The following TMEM214 variants were observed in gnomAD, a reference collection of about 807,000 sequenced individuals.
TMEM214 encodes transmembrane protein 214.
In TMEM214, 71 loss-of-function variants were observed where a neutral mutation model predicts 89.8. The ratio of observed to expected loss-of-function variants is 0.79; its 90% CI spans 0.65 to 0.96. The LOEUF is 0.96. Ranked by LOEUF, TMEM214 falls within the 40% of genes least tolerant of loss-of-function variation. TMEM214 has a pLI of 0.00. For missense variants in TMEM214, 754 were observed against 843.4 expected, an observed-to-expected ratio of 0.89 and a Z score of 1.31; for synonymous variants, 332 against 349.5, an observed-to-expected ratio of 0.95 and a Z score of 0.56.
At position 27,039,798 on chromosome 2, in the gene TMEM214, C is replaced by G; in HGVS notation, c.1583C>G (p.Ala528Gly). 1.2e-6 allele frequency: 2 copies of G among 1,614,208 alleles called. No individual in the cohort carries two copies. Among genetic ancestry groups the G allele is most frequent in the Non-Finnish European group, 1.7e-6 (2 of 1,180,040 alleles). The change falls in exon 14 of 17, where the codon GCG becomes GGG. Residue 528 changes from alanine to glycine, a missense_variant. By Grantham distance (60) the Ala-to-Gly change is moderately conservative. Coordinates refer to ENST00000238788, the MANE Select transcript of TMEM214 (RefSeq NM_017727.5). ...SSGFLPASQQ[A>G]CAKLYSYSLQ... ...GGCTTCTTACCTGCTAGCCAACAAG[C>G]GTGTGCCAAGCTCTACTCCTACAGT... is the stretch of plus-strand genomic sequence containing the variant.
chr2:27,039,275 A>G (rs1354455325), intron 13 of TMEM214, 111 bp downstream of exon 13: 4 of 894,518 alleles, frequency 4.5e-6, no homozygotes, highest in African/African-American at 3.3e-5. Flanking sequence ...CGAGTTCTCA[A>G]TCCTGCAGAG....
chr2:27,040,402 C>T lies in TMEM214; in HGVS notation c.1849C>T (p.Pro617Ser). Reference protein sequence around the residue: ...NQLLRYLRELPLLFHQNVLLP... With the variant: ...NQLLRYLRELSLLFHQNVLLP... ...GCTACTCCGCTATCTGAGAGAGCTG[C>T]CCCTGCTTTTCCACCAGAATGTGCT... is the stretch of plus-strand genomic sequence containing the variant. Residue 617 changes from proline to serine, a missense_variant, in exon 16 of 17, where the codon CCC becomes TCC. Coordinates refer to ENST00000238788, the MANE Select transcript of TMEM214 (RefSeq NM_017727.5). 3.7e-6 allele frequency: 6 copies of T among 1,614,250 alleles called. No homozygotes were observed. The highest frequency in any genetic ancestry group is 5.1e-6 in the Non-Finnish European group (6 of 1,180,050).
Position 27,038,244 on chromosome 2 carries a change from G to T in TMEM214, c.1244+7G>T. ...AGCACCTGTCACAGTCCAGGCAGGTGGGGTGGGAGGCCAGCCTGTCCCTGT... is the reference window on the plus strand; with the variant it reads ...AGCACCTGTCACAGTCCAGGCAGGTTGGGTGGGAGGCCAGCCTGTCCCTGT... On this transcript the variant is annotated splice_region_variant and intron_variant, in intron 10 of 16. Coordinates refer to ENST00000238788, the MANE Select transcript of TMEM214 (RefSeq NM_017727.5). The surrounding 1 kb of genome is among the most constrained non-coding windows in gnomAD (Gnocchi z 4.4). 1 of 1,612,180 alleles carries T rather than the reference G, an allele frequency of 6.2e-7. No individual in the cohort carries two copies. Among genetic ancestry groups the T allele is most frequent in the South Asian group, 1.1e-5 (1 of 91,048 alleles).
rs906582879 is a variant in TMEM214 at position 27,040,403 on chromosome 2, C to A, written c.1850C>A (p.Pro617His). ...CTACTCCGCTATCTGAGAGAGCTGC[C>A]CCTGCTTTTCCACCAGAATGTGCTG... ...NQLLRYLREL[P>H]LLFHQNVLLP... Residue 617 changes from proline to histidine, a missense_variant, in exon 16 of 17, where the codon CCC (proline) becomes CAC (histidine). By Grantham distance (77) the Pro-to-His change is moderately conservative. Coordinates refer to ENST00000238788, the MANE Select transcript of TMEM214 (RefSeq NM_017727.5). 1.2e-6 allele frequency: 2 copies of A among 1,614,210 alleles called. No individual in the cohort carries two copies. Among genetic ancestry groups the A allele is most frequent in the Non-Finnish European group, 1.7e-6 (2 of 1,180,042 alleles).
At position 27,036,565 on chromosome 2, in the gene TMEM214, T is replaced by C. The variant is rs564964647; in HGVS notation, c.799T>C (p.Phe267Leu). The change falls in exon 6 of 17, where the codon TTT becomes CTT. Residue 267 changes from phenylalanine to leucine, a missense_variant. Physicochemically the swap from Phe to Leu is conservative, Grantham distance 22. Transcript: ENST00000238788. ...CATGTGGGCCCTGGGTCAAGCAGGT[T>C]TTGCCAACCTCACCGAGGGACTGAA... The part of the protein sequence containing the change: ...TIMWALGQAG[F>L]ANLTEGLKVW... 2.1e-5 allele frequency: 34 copies of C among 1,614,068 alleles called. No individual in the cohort carries two copies. In the South Asian group the frequency reaches 3.7e-4, roughly 18 times the overall value.
At chr2:27,039,701 C>G in intron 13 of TMEM214, 40 bp from the exon 14 acceptor site, 4 of 1,558,936 alleles carry the variant, frequency 2.6e-6, no homozygotes, top group Non-Finnish European at 3.5e-6. Context: ...AGTCCCTGCC[C>G]CTCTCACCTC....
At position 27,036,696 on chromosome 2, in the gene TMEM214, C is replaced by G. The variant is rs763688500; in HGVS notation, c.827-9C>G. Reference sequence around the variant, plus strand: ...CCTGAGGCCTCCCTCGTGACTTTTACCCCTGCAGTGTGGCTGGGGATCATG... The same window carrying G: ...CCTGAGGCCTCCCTCGTGACTTTTAGCCCTGCAGTGTGGCTGGGGATCATG... On this transcript the variant is annotated splice_polypyrimidine_tract_variant and intron_variant, in intron 6 of 16. Coordinates refer to ENST00000238788, the MANE Select transcript of TMEM214 (RefSeq NM_017727.5). 1.9e-6 allele frequency: 3 copies of G among 1,614,002 alleles called. No homozygotes were observed. The highest frequency in any genetic ancestry group is 2.5e-6 in the Non-Finnish European group (3 of 1,180,040).
chr2:27,035,386 G>C, intron 3 of TMEM214, 101 bp downstream of exon 3: 13 of 1,509,650 alleles, frequency 8.6e-6, no homozygotes, highest in Non-Finnish European at 1.2e-5. Flanking sequence ...ATTTCCATGG[G>C]TGATTTGGGC....
chr2:27,036,726 C>T lies in TMEM214; in HGVS notation c.848C>T (p.Pro283Leu). The part of the protein sequence containing the change: ...GLKVWLGIML[P>L]VLGIKSLSPF... ...GCAGTGTGGCTGGGGATCATGCTGC[C>T]TGTGCTGGGCATCAAGTCTCTGTCT... Residue 283 changes from proline (P) to leucine (L), a missense_variant, in exon 7 of 17, where the codon CCT becomes CTT. By Grantham distance (98) the Pro-to-Leu change is moderately conservative (BLOSUM62 -3). Transcript: ENST00000238788. 2 of 1,614,164 alleles carry T rather than the reference C, an allele frequency of 1.2e-6. No homozygotes were observed. Among genetic ancestry groups the T allele is most frequent in the Non-Finnish European group, 1.7e-6 (2 of 1,180,022 alleles).
chr2:27,032,983 G>C lies in TMEM214; in HGVS notation c.-33G>C. On this transcript the variant is annotated 5_prime_UTR_variant, in exon 1 of 17. Coordinates refer to ENST00000238788, the MANE Select transcript of TMEM214 (RefSeq NM_017727.5). ...CGCGCTCGCGCCGGACCGGAAAGCC[G>C]GGGAAGTGGCCGAGGAGGGAGGGCT... is the stretch of plus-strand genomic sequence containing the variant. 2 of 1,244,834 alleles carry C rather than the reference G, an allele frequency of 1.6e-6. No individual in the cohort carries two copies. The highest frequency in any genetic ancestry group is 1.0e-6 in the Non-Finnish European group (1 of 987,324). The allele number at this position is 1,244,834 out of a possible 1,614,324, so 77.1% of individuals were successfully genotyped here.
rs897946024 is a variant in TMEM214 at position 27,037,617 on chromosome 2, C to G, written c.1067C>G (p.Ala356Gly). The G allele has an allele frequency of 6.2e-6, 10 of 1,614,164 alleles. No homozygotes were observed. The highest frequency in any genetic ancestry group is 8.5e-6 in the Non-Finnish European group (10 of 1,180,022). ...CGACTGAAAGTGCTGGCATTTGGAG[C>G]AAAGCCGGATTCCACCCTGCATACC... is the stretch of plus-strand genomic sequence containing the variant. ...YPRLKVLAFG[A>G]KPDSTLHTYF... The change falls in exon 9 of 17, where the codon GCA (alanine) becomes GGA (glycine). Residue 356 changes from alanine to glycine, a missense_variant. Transcript: ENST00000238788.
rs377304028 is a variant in TMEM214, at chr2:27,039,087, C to T, written c.1448C>T (p.Thr483Met). 28 of 1,613,748 alleles carry T rather than the reference C, an allele frequency of 1.7e-5. No homozygotes were observed. The highest frequency in any genetic ancestry group is 2.3e-5 in the Non-Finnish European group (27 of 1,180,054). ...GTTCAGGGTCCTCGGCTGCCCTGGA[C>T]GCGGCTCCTCCTGTTGCTGCTGGTC... Reference protein sequence around the residue: ...QQVQGPRLPWTRLLLLLLVFA... With the variant: ...QQVQGPRLPWMRLLLLLLVFA... The change falls in exon 13 of 17, where the codon ACG becomes ATG. Residue 483 changes from threonine (T) to methionine (M), a missense_variant. Transcript: ENST00000238788.
chr2:27,036,812 G>C lies in TMEM214; in HGVS notation c.908+26G>C, dbSNP rs531264823. On this transcript the variant is annotated intron_variant, in intron 7 of 16. Coordinates refer to ENST00000238788, the MANE Select transcript of TMEM214 (RefSeq NM_017727.5). Reference sequence around the variant, plus strand: ...GTGAGTAATGGGAGGGCAGCAAGGGGAAGGCTCAGGGTGTCCCAAGTGGCT... The same window carrying C: ...GTGAGTAATGGGAGGGCAGCAAGGGCAAGGCTCAGGGTGTCCCAAGTGGCT... The C allele has an allele frequency of 1.3e-4, 212 of 1,612,542 alleles. No homozygotes were observed. In the East Asian group the frequency reaches 4.5e-3, roughly 35 times the overall value.
chr2:27,036,927 G>A, intron 7 of TMEM214, 141 bp downstream of exon 7: 1 of 1,081,952 alleles, frequency 9.2e-7, no homozygotes, highest in Non-Finnish European at 1.4e-6. Context: ...GAATGTGATG[G>A]TGAGGAAGGA....
At position 27,039,075 on chromosome 2, in the gene TMEM214, G is replaced by A. The variant is rs760057808; in HGVS notation, c.1436G>A (p.Arg479Gln). 9 of 1,613,608 alleles carry A rather than the reference G, an allele frequency of 5.6e-6. No homozygotes were observed. Among genetic ancestry groups the A allele is most frequent in the Admixed American group, 3.3e-5 (2 of 60,006 alleles). ...CTGTTGCAGCAGGTTCAGGGTCCTCGGCTGCCCTGGACGCGGCTCCTCCTG... is the reference window on the plus strand; with the variant it reads ...CTGTTGCAGCAGGTTCAGGGTCCTCAGCTGCCCTGGACGCGGCTCCTCCTG... ...KGLLQQVQGPRLPWTRLLLLL... is the reference protein window; with the variant it reads ...KGLLQQVQGPQLPWTRLLLLL... The change falls in exon 13 of 17, where the codon CGG becomes CAG. Residue 479 changes from arginine to glutamine, a missense_variant. By Grantham distance (43) the Arg-to-Gln change is conservative. Coordinates refer to ENST00000238788, the MANE Select transcript of TMEM214 (RefSeq NM_017727.5).
chr2:27,040,599 C>T (rs987639609), intron 16 of TMEM214, 103 bp downstream of exon 16: 13 of 1,581,920 alleles, frequency 8.2e-6, no homozygotes, highest in Admixed American at 1.7e-5. Context: ...TCCTGCCCCT[C>T]GCTCCCATTC....
At position 27,040,424 on chromosome 2, in the gene TMEM214, T is replaced by C; in HGVS notation, c.1871T>C (p.Val624Ala). 6.2e-7 allele frequency: 1 copy of C among 1,614,204 alleles called. No individual in the cohort carries two copies. The highest frequency in any genetic ancestry group is 8.5e-7 in the Non-Finnish European group (1 of 1,180,026). Residue 624 changes from valine to alanine, a missense_variant, in exon 16 of 17, where the codon GTG (valine) becomes GCG (alanine). Physicochemically the swap from Val to Ala is moderately conservative, Grantham distance 64 (BLOSUM62 0). Coordinates refer to ENST00000238788, the MANE Select transcript of TMEM214 (RefSeq NM_017727.5). ...CTGCCCCTGCTTTTCCACCAGAATG[T>C]GCTGCTGCCACTGTGGCACCTCTTG... ...RELPLLFHQN[V>A]LLPLWHLLLE... is the part of the protein sequence containing the mutation.
At chr2:27,040,008 C>G (rs773509994) in intron 14 of TMEM214, 22 bp from the exon 15 acceptor site, 33 of 1,598,804 alleles carry the variant, frequency 2.1e-5, no homozygotes, top group Non-Finnish European at 2.7e-5. Context: ...GAGCCCTCTT[C>G]CCCCACTTCC....
rs757114342 is a variant in TMEM214 at position 27,037,942 on chromosome 2, T to C, written c.1153-204T>C. 2.6e-6 allele frequency: 4 copies of C among 1,550,078 alleles called. No individual in the cohort carries two copies. In the South Asian group the frequency reaches 4.8e-5, roughly 18 times the overall value. On this transcript the variant is annotated intron_variant, in intron 9 of 16. Coordinates refer to ENST00000238788, the MANE Select transcript of TMEM214 (RefSeq NM_017727.5). ...CTCTTGCAGATAGTGATCTTTGAGC[T>C]CAAAGCTCTAGCTCAGGAGCCCCAG...
Sources: allele counts gnomAD v4.1 joint callset, GRCh38; gene constraint gnomAD v4.1.1; non-coding constraint Gnocchi (gnomAD v3.1); transcripts MANE v1.5; gene names NCBI Gene and HGNC (gene_info 2026-07-23, HGNC 2026-07-21).